Variants in ANAPC4 observed in about 807,000 individuals in gnomAD.
The protein encoded by ANAPC4 is anaphase-promoting complex subunit 4.
ANAPC4 carries 63 observed loss-of-function variants against 119.8 expected under a neutral mutation model. The ratio of observed to expected loss-of-function variants is 0.53; its 90% CI spans 0.43 to 0.65. The LOEUF is 0.65. Among genes scored for constraint, ANAPC4 ranks in the 30% least tolerant of loss-of-function variants. The pLI is 0.00. For synonymous variants in ANAPC4, 283 were observed against 318.6 expected (o/e 0.89, Z 1.19); for missense variants, 716 against 945.1 (o/e 0.76, Z 3.18).
chr4:25,379,565 G>C (rs1721602097), intron 2 of ANAPC4, among the ~76,000 whole-genome samples: 2 of 152,218 alleles, frequency 1.3e-5, no homozygotes, highest in Non-Finnish European at 1.5e-5. Context: ...GGGAAGCATT[G>C]TCCTCAGGTG....
chr4:25,401,006 T>G (rs1360308132), intron 16 of ANAPC4, among the ~76,000 whole-genome samples: 4 of 152,090 alleles, frequency 2.6e-5, no homozygotes, highest in African/African-American at 9.7e-5. Context: ...ACTGAACCAT[T>G]CTCTTCAATT....
chr4:25,409,881 T>A (rs1723468591), intron 21 of ANAPC4, 90 bp downstream of exon 21: 3 of 856,436 alleles, frequency 3.5e-6, no homozygotes, highest in South Asian at 3.1e-5. Context: ...TGCTGAAAAC[T>A]TGCTGAACAC....
At chr4:25,404,814 T>C (rs1723168448) in intron 17 of ANAPC4, among the ~76,000 whole-genome samples, 1 of 152,098 alleles carries the variant, frequency 6.6e-6, no homozygotes, top group African/African-American at 2.4e-5. Flanking sequence ...TACTGATATA[T>C]TGCTAGCACC....
intron 4 of ANAPC4, among the ~76,000 whole-genome samples, chr4:25,384,151 A>G (rs981805646): frequency 2.6e-5 from 4 of 152,222 alleles, no homozygotes; most frequent in Admixed American, 2.6e-4. Flanking sequence ...ACTAAATTCC[A>G]TCTCAACAAA....
intron 18 of ANAPC4, 82 bp from the exon 19 acceptor site, chr4:25,406,747 C>G: frequency 9.4e-7 from 1 of 1,058,332 alleles, no homozygotes; most frequent in Non-Finnish European, 1.4e-6. Flanking sequence ...GTAAAAATGT[C>G]ACATTTATAA....
chr4:25,388,625 C>T (rs1722169572), intron 5 of ANAPC4, 51 bp downstream of exon 5: 6 of 1,558,264 alleles, frequency 3.9e-6, no homozygotes, highest in Admixed American at 3.5e-5. Flanking sequence ...TCTCTTTCTT[C>T]TGCTTTTAAC....
chr4:25,389,159 ATTTT>A (rs113710613), intron 7 of ANAPC4, among the ~76,000 whole-genome samples: 1 of 132,186 alleles, frequency 7.6e-6, no homozygotes. Flanking sequence ...CACCCAGCTA[ATTTT>A]TTTTTTTTTT....
At chr4:25,408,982 C>G (rs1219918936) in intron 20 of ANAPC4, among the ~76,000 whole-genome samples, 1 of 152,126 alleles carries the variant, frequency 6.6e-6, no homozygotes, top group African/African-American at 2.4e-5. Flanking sequence ...GAGTATGTGG[C>G]AGAAAAAGAA....
intron 22 of ANAPC4, 173 bp from the exon 23 acceptor site, chr4:25,414,151 A>C: frequency 1.9e-6 from 1 of 533,324 alleles, no homozygotes. Flanking sequence ...TCAGCTCAGA[A>C]TTTTCTCTTT....
chr4:25,402,888 T>G, intron 16 of ANAPC4, 83 bp from the exon 17 acceptor site: 5 of 729,178 alleles, frequency 6.9e-6, no homozygotes, highest in Non-Finnish European at 1.1e-5. Flanking sequence ...GTAAGGATTA[T>G]GATATTTCCT....
Position 25,377,529 on chromosome 4 carries a change from C to A in ANAPC4, c.102C>A (p.Leu34=), listed in dbSNP as rs749952036. The A allele has an allele frequency of 6.2e-6, 10 of 1,613,120 alleles. No individual in the cohort carries two copies. The highest frequency in any genetic ancestry group is 7.6e-6 in the Non-Finnish European group (9 of 1,179,762). ...TGGTCTGGTCGCCCAAGCGGGATCTCATTGCTTTGGCCAACACAGCTGGCG... is the reference window on the plus strand; with the variant it reads ...TGGTCTGGTCGCCCAAGCGGGATCTAATTGCTTTGGCCAACACAGCTGGCG... ...IFLVWSPKRD[L]IALANTAGEV... Residue 34 remains leucine, a synonymous_variant, in exon 2 of 29, where the codon CTC becomes CTA. Coordinates refer to ENST00000315368, the MANE Select transcript of ANAPC4 (RefSeq NM_013367.3).
intron 14 of ANAPC4, among the ~76,000 whole-genome samples, chr4:25,396,394 A>T (rs1722654823): frequency 6.6e-6 from 1 of 152,212 alleles, no homozygotes; most frequent in Non-Finnish European, 1.5e-5. Context: ...AGATGGCTGT[A>T]CAACTGTCTT....
intron 3 of ANAPC4, among the ~76,000 whole-genome samples, chr4:25,382,027 C>T (rs779952438): frequency 1.4e-4 from 22 of 152,112 alleles, no homozygotes; most frequent in Admixed American, 1.3e-3. Flanking sequence ...CAATATTTCC[C>T]GATAAAATAC....
chr4:25,404,164 A>G (rs558223643), intron 17 of ANAPC4, among the ~76,000 whole-genome samples: 30 of 152,298 alleles, frequency 2.0e-4, no homozygotes, highest in Admixed American at 1.6e-3. Flanking sequence ...AAAACAGACT[A>G]TATTTTTCAA....
chr4:25,391,374 A>G (rs1334053891), intron 9 of ANAPC4, among the ~76,000 whole-genome samples: 36 of 152,218 alleles, frequency 2.4e-4, no homozygotes, highest in Admixed American at 2.4e-3. Context: ...ATGCTTCAGA[A>G]CAGTTGATTT....
chr4:25,388,681 AG>A, intron 5 of ANAPC4, 35 bp from the exon 6 acceptor site: 2 of 1,562,920 alleles, frequency 1.3e-6, no homozygotes. Flanking sequence ...ATTTTTACTA[AG>A]AGTATTTTTT....
intron 2 of ANAPC4, among the ~76,000 whole-genome samples, chr4:25,378,148 G>A (rs1179120564): frequency 6.6e-6 from 1 of 152,200 alleles, no homozygotes; most frequent in Non-Finnish European, 1.5e-5. Flanking sequence ...CAGACAGAAC[G>A]TGCATGGGTG....
chr4:25,388,397 A>G, intron 4 of ANAPC4, 103 bp from the exon 5 acceptor site: 2 of 749,368 alleles, frequency 2.7e-6, no homozygotes, highest in South Asian at 3.5e-5. Flanking sequence ...TTTACTTGAT[A>G]ATGTTGTAAA....
At chr4:25,383,662 C>A (rs900763534) in intron 4 of ANAPC4, among the ~76,000 whole-genome samples, 4 of 151,886 alleles carry the variant, frequency 2.6e-5, no homozygotes, top group African/African-American at 9.7e-5. Flanking sequence ...ATTTGAATTT[C>A]TTTGTTTCTC....
Sources: gnomAD v4.1 joint callset for allele counts (sites outside exome capture counted in the v4.1 genomes callset) on GRCh38, gnomAD v4.1.1 for gene constraint, MANE v1.5 for transcripts, NCBI Gene and HGNC (gene_info 2026-07-23, HGNC 2026-07-21) for gene names.